Variants in MIPOL1 observed in about 807,000 individuals in gnomAD.
The protein encoded by MIPOL1 is mirror-image polydactyly 1.
A neutral mutation model predicts 60.9 loss-of-function variants in MIPOL1; 57 were observed. That is an observed-to-expected ratio of 0.94 (90% CI 0.76 to 1.17). The LOEUF is 1.17. Ranked by LOEUF, MIPOL1 falls within the 50% of genes most tolerant of loss-of-function variation. MIPOL1 has a pLI of 0.00. For synonymous variants in MIPOL1, 179 were observed against 168.8 expected, an observed-to-expected ratio of 1.06 and a Z score of -0.47; for missense variants, 551 against 511.6, an observed-to-expected ratio of 1.08 and a Z score of -0.74.
intron 12 of MIPOL1, chr14:37,505,811 A>G (rs1330350605): frequency 6.6e-6 from 1 of 152,216 alleles, no homozygotes; most frequent in African/African-American, 2.4e-5. Context: ...GAGGAAGTCA[A>G]ATTGTCCCTG....
intron 11 of MIPOL1, among the ~76,000 whole-genome samples, chr14:37,484,499 A>G (rs199988958): frequency 6.6e-6 from 1 of 151,856 alleles, no homozygotes; most frequent in African/African-American, 2.4e-5. Context: ...TACCGCGCCC[A>G]GCACATTTTT....
intron 12 of MIPOL1, 28 bp downstream of exon 12, chr14:37,500,166 T>A (rs745434366): frequency 1.4e-6 from 2 of 1,404,100 alleles, no homozygotes; most frequent in East Asian, 4.6e-5. Flanking sequence ...GTAATAATAC[T>A]TCAAACACAT....
At chr14:37,361,111 T>TA (rs1419324212) in intron 9 of MIPOL1, among the ~76,000 whole-genome samples, 1 of 152,060 alleles carries the variant, frequency 6.6e-6, no homozygotes, top group Non-Finnish European at 1.5e-5. Context: ...GTTCAGCGTT[T>TA]ATGTAGTTGT....
chr14:37,361,115 T>C (rs1056305352), intron 9 of MIPOL1, among the ~76,000 whole-genome samples: 5 of 152,188 alleles, frequency 3.3e-5, no homozygotes, highest in African/African-American at 1.2e-4. Context: ...AGCGTTTATG[T>C]AGTTGTGCAG....
Position 37,318,226 on chromosome 14 carries a change from T to G in MIPOL1, c.828+9707T>G, listed in dbSNP as rs1318233784. 3.9e-5 allele frequency among the ~76,000 whole-genome samples: 6 copies of G among 152,328 alleles called. No homozygotes were observed. The South Asian group carries it at 1.2e-3, about 32-fold the overall frequency. ...GGAAATAATCAAATATCCTAGTGTC[T>G]TAACCTCTCCTTTTTTAGTGTTGCC... On this transcript the variant is annotated intron_variant, in intron 9 of 12. Coordinates refer to ENST00000684589, the MANE Select transcript of MIPOL1 (RefSeq NM_001388067.1).
At chr14:37,371,935 T>C (rs2092650678) in intron 10 of MIPOL1, among the ~76,000 whole-genome samples, 1 of 152,138 alleles carries the variant, frequency 6.6e-6, no homozygotes, top group South Asian at 2.1e-4. Context: ...GAGCAATATG[T>C]TTATCTTTTA....
chr14:37,542,124 A>C (rs1218559707), intron 12 of MIPOL1, among the ~76,000 whole-genome samples: 1 of 152,148 alleles, frequency 6.6e-6, no homozygotes, highest in African/African-American at 2.4e-5. Flanking sequence ...AAAGGTTATC[A>C]CTTCCTGCCA....
At chr14:37,329,472 G>A (rs1325207837) in intron 9 of MIPOL1, among the ~76,000 whole-genome samples, 2 of 152,102 alleles carry the variant, frequency 1.3e-5, no homozygotes, top group Non-Finnish European at 2.9e-5. Flanking sequence ...TTGATACTTT[G>A]ATTTGTCATA....
intron 11 of MIPOL1, among the ~76,000 whole-genome samples, chr14:37,437,385 G>A (rs1490126186): frequency 6.9e-6 from 1 of 144,720 alleles, no homozygotes; most frequent in Non-Finnish European, 1.5e-5. Context: ...ATCAAGCTTG[G>A]TTAGTTGTTC....
intron 9 of MIPOL1, among the ~76,000 whole-genome samples, chr14:37,325,171 T>C (rs1387774402): frequency 2.6e-5 from 4 of 152,132 alleles, no homozygotes; most frequent in Non-Finnish European, 5.9e-5. Flanking sequence ...CCATGATATA[T>C]ATCTCCATTT....
intron 9 of MIPOL1, among the ~76,000 whole-genome samples, chr14:37,337,202 G>A (rs949050253): frequency 6.7e-6 from 1 of 150,368 alleles, no homozygotes; most frequent in Non-Finnish European, 1.5e-5. Flanking sequence ...GGGGATCTAG[G>A]GCTTGGAGCT....
intron 10 of MIPOL1, among the ~76,000 whole-genome samples, chr14:37,374,543 T>C (rs2092723467): frequency 6.6e-6 from 1 of 152,180 alleles, no homozygotes; most frequent in Non-Finnish European, 1.5e-5. Flanking sequence ...CTTTAATCCA[T>C]CTTGAGTTAA....
chr14:37,268,569 A>T (rs928163840), intron 4 of MIPOL1, 89 bp from the exon 5 acceptor site: 1 of 957,556 alleles, frequency 1.0e-6, no homozygotes, highest in Non-Finnish European at 1.5e-6. Flanking sequence ...GTGTTTGCTT[A>T]CAAGTTGATA....
intron 11 of MIPOL1, among the ~76,000 whole-genome samples, chr14:37,499,307 GT>G (rs1175730754): frequency 6.6e-6 from 1 of 151,882 alleles, no homozygotes; most frequent in Non-Finnish European, 1.5e-5. Flanking sequence ...ATGAGTAGAT[GT>G]ATTCGTTAAG....
chr14:37,490,272 A>T (rs191131736), intron 11 of MIPOL1, among the ~76,000 whole-genome samples: 15 of 152,244 alleles, frequency 9.9e-5, no homozygotes, highest in African/African-American at 3.6e-4. Context: ...CTGCCTACTC[A>T]AGCCTCGGCA....
At chr14:37,397,620 C>T (rs2093399667) in intron 10 of MIPOL1, among the ~76,000 whole-genome samples, 2 of 152,000 alleles carry the variant, frequency 1.3e-5, no homozygotes, top group African/African-American at 2.4e-5. Context: ...CAGGTGGGGG[C>T]AGGGCTAGGT....
At chr14:37,447,804 G>T (rs185945005) in intron 11 of MIPOL1, among the ~76,000 whole-genome samples, 1 of 151,690 alleles carries the variant, frequency 6.6e-6, no homozygotes, top group Non-Finnish European at 1.5e-5. Context: ...CCAGTGAGCT[G>T]TTTTTTTTAA....
chr14:37,257,132 T>TGTGTGTGTGTGTGTGTG (rs1555371896), intron 3 of MIPOL1, among the ~76,000 whole-genome samples: 4 of 149,532 alleles, frequency 2.7e-5, no homozygotes, highest in South Asian at 2.1e-4. Flanking sequence ...TGTGTGTGTG[T>TGTGTGTGTGTGTGTGTG]TTGAGAAACA....
chr14:37,224,482 A>C (rs1003467427), intron 1 of MIPOL1, among the ~76,000 whole-genome samples: 1 of 152,214 alleles, frequency 6.6e-6, no homozygotes, highest in African/African-American at 2.4e-5. Context: ...CACATCTCAC[A>C]TGGTGGCAGA....
Sources: gnomAD v4.1 joint callset for allele counts (sites outside exome capture counted in the v4.1 genomes callset) on GRCh38, gnomAD v4.1.1 for gene constraint, MANE v1.5 for transcripts, NCBI Gene and HGNC (gene_info 2026-07-23, HGNC 2026-07-21) for gene names.